Variants in F13A1 observed in about 807,000 individuals in gnomAD.
F13A1 encodes the protein FSF, A subunit.
Under a neutral mutation model 80.1 loss-of-function variants are expected in F13A1, and 47 were observed. That is an observed-to-expected ratio of 0.59 (90% CI 0.46 to 0.75). F13A1 has a LOEUF of 0.75. F13A1 is among the 30% of genes least tolerant of loss of function. The pLI, the probability that F13A1 is intolerant of heterozygous loss-of-function variation, is 0.00. For synonymous variants in F13A1, 349 were observed against 344.9 expected, an observed-to-expected ratio of 1.01 and a Z score of -0.13; for missense variants, 817 against 930.4, an observed-to-expected ratio of 0.88 and a Z score of 1.59.
rs773629601 is a variant in F13A1 at position 6,167,445 on chromosome 6, C to T, written c.1908+13G>A. 30 of 1,612,646 alleles carry T rather than the reference C, an allele frequency of 1.9e-5. No individual in the cohort carries two copies. In the Middle Eastern group the frequency reaches 5.0e-4, roughly 27 times the overall value. The stretch of plus-strand genomic sequence containing the variant: ...CCTTTGTCTCTGTTCCAGGATGAGA[C>T]GCTAAGACTGACCTTGATGATGATC... On this transcript the variant is annotated intron_variant, in intron 13 of 14. Coordinates refer to ENST00000264870, the MANE Select transcript of F13A1 (RefSeq NM_000129.4).
intron 2 of F13A1, among the ~76,000 whole-genome samples, chr6:6,310,946 A>G (rs775972872): frequency 9.2e-5 from 14 of 152,070 alleles, no homozygotes; most frequent in Non-Finnish European, 2.1e-4. Flanking sequence ...ATGCCATTTT[A>G]TACTCCTTAT....
intron 13 of F13A1, among the ~76,000 whole-genome samples, chr6:6,158,851 G>A (rs1261042362): frequency 1.3e-5 from 2 of 151,784 alleles, no homozygotes; most frequent in Non-Finnish European, 2.9e-5. Context: ...TCACTGTCAT[G>A]TACTTTGTTT....
chr6:6,167,830 G>C (rs1760704831), intron 12 of F13A1, among the ~76,000 whole-genome samples: 2 of 152,184 alleles, frequency 1.3e-5, no homozygotes. Flanking sequence ...ATTCATTGAA[G>C]TCTCACTGGA....
At chr6:6,188,999 A>T (rs1761131646) in intron 10 of F13A1, among the ~76,000 whole-genome samples, 1 of 40,066 alleles carries the variant, frequency 2.5e-5, no homozygotes, top group Non-Finnish European at 3.9e-5. Flanking sequence ...GTCTCTTTTG[A>T]TCTTTGTTGG....
chr6:6,198,733 C>T (rs1385228977), intron 8 of F13A1, among the ~76,000 whole-genome samples: 1 of 152,200 alleles, frequency 6.6e-6, no homozygotes, highest in Non-Finnish European at 1.5e-5. Context: ...TGCTGTGAGA[C>T]TTAAATAAGC....
At chr6:6,225,518 T>TCTCTCTCTCTCTC in intron 6 of F13A1, among the ~76,000 whole-genome samples, 1 of 152,128 alleles carries the variant, frequency 6.6e-6, no homozygotes, top group African/African-American at 2.4e-5. Context: ...CTCTCTCTCT[T>TCTCTCTCTCTCTC]TCTTTCTAAG....
chr6:6,294,888 T>A, intron 3 of F13A1, among the ~76,000 whole-genome samples: 1 of 88,378 alleles, frequency 1.1e-5, no homozygotes, highest in Non-Finnish European at 2.1e-5. Context: ...ATGCTATCCC[T>A]CCCCCCTCCC....
At chr6:6,153,807 T>C (rs1163763961) in intron 13 of F13A1, among the ~76,000 whole-genome samples, 1 of 152,194 alleles carries the variant, frequency 6.6e-6, no homozygotes, top group African/African-American at 2.4e-5. Flanking sequence ...AATTCACATA[T>C]ATTCTCACAT....
intron 8 of F13A1, among the ~76,000 whole-genome samples, chr6:6,208,427 C>T (rs1167529507): frequency 6.6e-6 from 1 of 152,106 alleles, no homozygotes; most frequent in Non-Finnish European, 1.5e-5. Context: ...AGTATATTAA[C>T]ATTTTCCTAA....
At chr6:6,161,226 G>C (rs759088093) in intron 13 of F13A1, among the ~76,000 whole-genome samples, 2 of 152,074 alleles carry the variant, frequency 1.3e-5, no homozygotes, top group South Asian at 2.1e-4. Context: ...CTGGTGACCA[G>C]AGATTCAAGA....
In F13A1 at chr6:6,167,605, C is replaced by T. The variant is rs377479323; in HGVS notation, c.1761G>A (p.Ala587=). The T allele has an allele frequency of 1.1e-4, 185 of 1,613,494 alleles. No individual in the cohort carries two copies. Among genetic ancestry groups the T allele is most frequent in the Middle Eastern group, 1.8e-4 (1 of 5,708 alleles). The change falls in exon 13 of 15, where the codon GCG becomes GCA. Residue 587 remains alanine, a synonymous_variant. Transcript: ENST00000264870. The part of the protein sequence containing the change: ...TLEPLSFKKE[A]VLIQAGEYMG... The stretch of plus-strand genomic sequence containing the variant: ...TGTACTCGCCGGCTTGGATCAGCAC[C>T]GCCTCTTTCTTGACTAGTAGGAGAA...
At chr6:6,154,999 A>G (rs1237258548) in intron 13 of F13A1, among the ~76,000 whole-genome samples, 1 of 152,196 alleles carries the variant, frequency 6.6e-6, no homozygotes, top group African/African-American at 2.4e-5. Flanking sequence ...TATATCTGAT[A>G]GTAGCTACTG....
At chr6:6,163,036 G>C (rs903280392) in intron 13 of F13A1, among the ~76,000 whole-genome samples, 19 of 152,198 alleles carry the variant, frequency 1.2e-4, no homozygotes, top group Non-Finnish European at 2.9e-5. Flanking sequence ...ATAAATCATA[G>C]CTGCTGTCAT....
At chr6:6,251,681 C>T (rs914848822) in intron 4 of F13A1, among the ~76,000 whole-genome samples, 3 of 152,152 alleles carry the variant, frequency 2.0e-5, no homozygotes. Flanking sequence ...GTGTTTGGGA[C>T]AGGCATCTAA....
At chr6:6,318,782 G>A (rs7754045) in intron 1 of F13A1, 100 bp from the exon 2 acceptor site, 7 of 1,266,286 alleles carry the variant, frequency 5.5e-6, no homozygotes, top group Non-Finnish European at 7.8e-6. Context: ...ATATCTGTGT[G>A]TGATAGCACT....
intron 3 of F13A1, among the ~76,000 whole-genome samples, chr6:6,295,802 A>G: frequency 1.5e-5 from 2 of 134,984 alleles, no homozygotes. Context: ...TTGGTGTTTT[A>G]GACATGAAGT....
chr6:6,148,828 T>C (rs942640500), intron 14 of F13A1, among the ~76,000 whole-genome samples: 4 of 152,284 alleles, frequency 2.6e-5, no homozygotes, highest in African/African-American at 9.6e-5. Context: ...CTGGGAGATA[T>C]TCCACCCTGA....
intron 3 of F13A1, among the ~76,000 whole-genome samples, chr6:6,276,009 A>G (rs1001029294): frequency 1.2e-4 from 18 of 152,218 alleles, no homozygotes; most frequent in Non-Finnish European, 2.4e-4. Context: ...TGCCCATTCA[A>G]TTCCGAAGGA....
intron 4 of F13A1, among the ~76,000 whole-genome samples, chr6:6,256,817 C>T (rs903119307): frequency 4.0e-5 from 6 of 151,766 alleles, no homozygotes; most frequent in East Asian, 1.9e-4. Flanking sequence ...ATTCCTTCTG[C>T]TTATTTACAT....
Sources: gnomAD v4.1 joint callset for allele counts (sites outside exome capture counted in the v4.1 genomes callset) on GRCh38, gnomAD v4.1.1 for gene constraint, MANE v1.5 for transcripts, NCBI Gene and HGNC (gene_info 2026-07-23, HGNC 2026-07-21) for gene names.